The following MS4A3 variants were observed in gnomAD, a reference collection of about 807,000 sequenced individuals.
MS4A3 encodes membrane spanning 4-domains A3.
MS4A3 carries 18 observed loss-of-function variants against 24.7 expected under a neutral mutation model. The ratio of observed to expected loss-of-function variants is 0.73; its 90% CI spans 0.50 to 1.08. The LOEUF (loss-of-function observed/expected upper bound fraction) is 1.08. MS4A3 is among the 50% of genes least tolerant of loss of function. MS4A3 has a pLI of 0.00. For synonymous variants in MS4A3, 84 were observed against 95.3 expected (o/e 0.88, Z 0.69); for missense variants, 282 against 251.7 (o/e 1.12, Z -0.82).
rs766251241 is a variant in MS4A3, at chr11:60,067,115, A to G, written c.513+3A>G. The G allele has an allele frequency of 8.8e-6, 14 of 1,594,336 alleles. No homozygotes were observed. In the Admixed American group the frequency reaches 1.6e-4, roughly 19 times the overall value. On this transcript the variant is annotated splice_donor_region_variant and intron_variant, in intron 5 of 6. Coordinates refer to ENST00000278865, the MANE Select transcript of MS4A3 (RefSeq NM_006138.5). ...ATTACATGGGCTCCATATCAAATGTATGTTTCTGAAAAATATGTATAAGTA... is the reference window on the plus strand; with the variant it reads ...ATTACATGGGCTCCATATCAAATGTGTGTTTCTGAAAAATATGTATAAGTA...
At chr11:60,065,650 T>G (rs501697) in intron 4 of MS4A3, among the ~76,000 whole-genome samples, 1 of 152,060 alleles carries the variant, frequency 6.6e-6, no homozygotes, top group African/African-American at 2.4e-5. Flanking sequence ...TCAACTCTTG[T>G]TCCTCATCTA....
chr11:60,064,371 C>A, intron 4 of MS4A3, 53 bp downstream of exon 4: 2 of 1,355,134 alleles, frequency 1.5e-6, no homozygotes, highest in Admixed American at 1.9e-5. Context: ...ATATATTATT[C>A]ATAAACAGTA....
chr11:60,070,018 A>T (rs1283739133), intron 6 of MS4A3, among the ~76,000 whole-genome samples, 186 bp from the exon 7 acceptor site: 2 of 152,184 alleles, frequency 1.3e-5, no homozygotes, highest in Non-Finnish European at 2.9e-5. Context: ...GTAAAATGAA[A>T]ATAATATTTT....
At chr11:60,066,866 A>C in intron 4 of MS4A3, 85 bp from the exon 5 acceptor site, 1 of 1,090,334 alleles carries the variant, frequency 9.2e-7, no homozygotes, top group South Asian at 1.8e-5. Context: ...AACAATATTC[A>C]ATCAATGTTT....
chr11:60,066,403 G>A (rs757149172), intron 4 of MS4A3, among the ~76,000 whole-genome samples: 2 of 152,122 alleles, frequency 1.3e-5, no homozygotes, highest in African/African-American at 2.4e-5. Context: ...TCCTTTTCAT[G>A]ATCTGCAGAG....
At chr11:60,058,241 T>C (rs1286280) in intron 1 of MS4A3, among the ~76,000 whole-genome samples, 151,266 of 152,028 alleles carry the variant, frequency 0.99, 75,262 homozygotes, top group Non-Finnish European at 1. Flanking sequence ...GGCGCATTGA[T>C]TCACGCCTGT....
At chr11:60,069,306 G>T (rs1855433484) in intron 5 of MS4A3, among the ~76,000 whole-genome samples, 1 of 152,098 alleles carries the variant, frequency 6.6e-6, no homozygotes, top group Non-Finnish European at 1.5e-5. Flanking sequence ...TCAGAATTTT[G>T]TTTCTACAGC....
intron 5 of MS4A3, among the ~76,000 whole-genome samples, chr11:60,068,604 C>T (rs1565065263): frequency 6.6e-6 from 1 of 151,998 alleles, no homozygotes; most frequent in African/African-American, 2.4e-5. Flanking sequence ...CTCTTCTGAA[C>T]TCTACTTAGA....
At chr11:60,062,736 A>G in intron 3 of MS4A3, 131 bp downstream of exon 3, 1 of 784,574 alleles carries the variant, frequency 1.3e-6, no homozygotes, top group South Asian at 3.1e-5. Context: ...GCAATTCTTG[A>G]TATAAACAAT....
intron 4 of MS4A3, among the ~76,000 whole-genome samples, chr11:60,065,995 T>C (rs1349118009): frequency 6.6e-6 from 1 of 152,208 alleles, no homozygotes; most frequent in Non-Finnish European, 1.5e-5. Flanking sequence ...CAGACTGGCA[T>C]GTAAAGATCC....
At chr11:60,069,771 G>C in intron 6 of MS4A3, 96 bp downstream of exon 6, 1 of 909,960 alleles carries the variant, frequency 1.1e-6, no homozygotes, top group South Asian at 1.4e-5. Flanking sequence ...ACCTTTATGT[G>C]GTAATGATTT....
chr11:60,069,750 C>CA, intron 6 of MS4A3, 75 bp downstream of exon 6: 3 of 1,079,654 alleles, frequency 2.8e-6, no homozygotes, highest in Non-Finnish European at 4.3e-6. Flanking sequence ...GTTTCTGATG[C>CA]TTAGAAATAA....
At position 60,061,252 on chromosome 11, in the gene MS4A3, C is replaced by T. The variant is rs752556708; in HGVS notation, c.92C>T (p.Thr31Ile). The change falls in exon 2 of 7, where the codon ACT (threonine) becomes ATT (isoleucine). Residue 31 changes from threonine to isoleucine, a missense_variant. Physicochemically the swap from Thr to Ile is moderately conservative, Grantham distance 89. Transcript: ENST00000278865. Reference protein sequence around the residue: ...GSEAGPEELNTSVYQPIDGSP... With the variant: ...GSEAGPEELNISVYQPIDGSP... ...GAGGCGGGACCAGAAGAGCTGAATA[C>T]TTCTGTCTACCAGCCCATAGATGGA... 1.9e-6 allele frequency: 3 copies of T among 1,613,996 alleles called. No homozygotes were observed. Among genetic ancestry groups the T allele is most frequent in the Non-Finnish European group, 1.7e-6 (2 of 1,179,940 alleles).
intron 5 of MS4A3, among the ~76,000 whole-genome samples, chr11:60,067,450 C>T (rs1341868539): frequency 2.0e-5 from 3 of 151,914 alleles, no homozygotes; most frequent in Admixed American, 1.3e-4. Flanking sequence ...CTCCTGACCT[C>T]GTGACCCGCC....
rs1373253804 is a variant in MS4A3, at chr11:60,062,345, A to C, written c.157-123A>C. 7 of 1,159,268 alleles carry C rather than the reference A, an allele frequency of 6.0e-6. No individual in the cohort carries two copies. In the Admixed American group the frequency reaches 1.5e-4, roughly 24 times the overall value. 71.8% of individuals were successfully genotyped at this position (1,159,268 alleles called of 1,614,324 possible). ...AGATAAGCTCTCGTTCTGTTAATTTAGGCTTGACACTTTAACCATTTCAAG... is the reference window on the plus strand; with the variant it reads ...AGATAAGCTCTCGTTCTGTTAATTTCGGCTTGACACTTTAACCATTTCAAG... On this transcript the variant is annotated intron_variant, in intron 2 of 6. Coordinates refer to ENST00000278865, the MANE Select transcript of MS4A3 (RefSeq NM_006138.5).
intron 5 of MS4A3, among the ~76,000 whole-genome samples, chr11:60,069,023 T>C (rs1243868341): frequency 1.3e-5 from 2 of 152,212 alleles, no homozygotes; most frequent in Non-Finnish European, 2.9e-5. Context: ...GGAGCCTGAT[T>C]TTTCTGTGAA....
rs762773215 is a variant in MS4A3 at position 60,062,507 on chromosome 11, G to T, written c.196G>T (p.Gly66Cys). The T allele has an allele frequency of 6.2e-7, 1 of 1,613,976 alleles. No individual in the cohort carries two copies. The highest frequency in any genetic ancestry group is 1.7e-5 in the Admixed American group (1 of 60,010). The change falls in exon 3 of 7, where the codon GGT becomes TGT. Residue 66 changes from glycine to cysteine, a missense_variant. Coordinates refer to ENST00000278865, the MANE Select transcript of MS4A3 (RefSeq NM_006138.5). The part of the protein sequence containing the change: ...ILNAAMILAL[G>C]VFLGSLQYPY... ...GAATGCAGCAATGATTCTGGCTTTG[G>T]GTGTCTTTCTGGGTTCCTTGCAATA...
Position 60,062,541 on chromosome 11 carries a change from A to G in MS4A3, c.230A>G (p.His77Arg), listed in dbSNP as rs758757790. Residue 77 changes from histidine (H) to arginine (R), a missense_variant, in exon 3 of 7, where the codon CAC (histidine) becomes CGC (arginine). Coordinates refer to ENST00000278865, the MANE Select transcript of MS4A3 (RefSeq NM_006138.5). Reference sequence around the variant, plus strand: ...CTGGGTTCCTTGCAATACCCATACCACTTCCAAAAGCACTTCTTTTTCTTC... The same window carrying G: ...CTGGGTTCCTTGCAATACCCATACCGCTTCCAAAAGCACTTCTTTTTCTTC... ...VFLGSLQYPY[H>R]FQKHFFFFTF... 4 of 1,613,862 alleles carry G rather than the reference A, an allele frequency of 2.5e-6. No individual in the cohort carries two copies. In the East Asian group the frequency reaches 8.9e-5, roughly 36 times the overall value.
chr11:60,061,469 G>C, intron 2 of MS4A3, 153 bp downstream of exon 2: 1 of 846,830 alleles, frequency 1.2e-6, no homozygotes, highest in South Asian at 1.5e-5. Context: ...AACAACCCCT[G>C]CTCTCCCTCT....
Sources: gnomAD v4.1 joint callset for allele counts (sites outside exome capture counted in the v4.1 genomes callset) on GRCh38, gnomAD v4.1.1 for gene constraint, MANE v1.5 for transcripts, NCBI Gene and HGNC (gene_info 2026-07-23, HGNC 2026-07-21) for gene names.